The following PCDHGB1 variants were observed in gnomAD, a reference collection of about 807,000 sequenced individuals.
The protein encoded by PCDHGB1 is protocadherin gamma-B1.
PCDHGB1 carries 34 observed loss-of-function variants against 56.6 expected under a neutral mutation model. The observed-to-expected ratio is 0.60, with a 90% CI of 0.46 to 0.80. The LOEUF is 0.80. Ranked by LOEUF, PCDHGB1 falls within the 30% of genes least tolerant of loss-of-function variation. The pLI is 0.00. For missense variants in PCDHGB1, 1,278 were observed against 1,204.6 expected, an observed-to-expected ratio of 1.06 and a Z score of -0.90; for synonymous variants, 561 against 505.9, an observed-to-expected ratio of 1.11 and a Z score of -1.46.
At chr5:141,456,897 A>G (rs1351271896) in intron 1 of PCDHGB1, among the ~76,000 whole-genome samples, 2 of 152,178 alleles carry the variant, frequency 1.3e-5, no homozygotes, top group Admixed American at 1.3e-4. Context: ...CGGGAGGCAG[A>G]GGTTGCAGTG....
intron 1 of PCDHGB1, among the ~76,000 whole-genome samples, chr5:141,448,838 T>C (rs2098609981): frequency 6.6e-6 from 1 of 151,802 alleles, no homozygotes; most frequent in Non-Finnish European, 1.5e-5. Flanking sequence ...CCAGCTACTC[T>C]GGAGGCTGAG....
intron 2 of PCDHGB1, among the ~76,000 whole-genome samples, chr5:141,495,703 GGAGT>G (rs2099763108): frequency 6.6e-6 from 1 of 152,098 alleles, no homozygotes; most frequent in South Asian, 2.1e-4. Context: ...CAATAAATGT[GGAGT>G]GAGTAACTAC....
intron 1 of PCDHGB1, chr5:141,427,093 G>A (rs1446677593): frequency 2.2e-6 from 1 of 458,122 alleles, no homozygotes. Flanking sequence ...CAGGATGAGG[G>A]TGTCAATGCG....
intron 1 of PCDHGB1, chr5:141,409,553 G>T: frequency 6.2e-7 from 1 of 1,613,972 alleles, no homozygotes; most frequent in Non-Finnish European, 8.5e-7. Context: ...CAACGCCCCA[G>T]TTTTCGACCA....
intron 1 of PCDHGB1, chr5:141,405,047 G>C: frequency 1.2e-6 from 2 of 1,613,944 alleles, no homozygotes; most frequent in Non-Finnish European, 1.7e-6. Flanking sequence ...GGCTGTGGCA[G>C]TCGTCTCCTG....
In PCDHGB1 at chr5:141,491,707, G is replaced by A. The variant is rs1337506934; in HGVS notation, c.2410-3100G>A. ...GCTGCGGGAGCGGAGCCAGGTGAGG[G>A]GCTCGGCGCCGCCCCGGGCGACCCC... On this transcript the variant is annotated intron_variant, in intron 1 of 3. Transcript: ENST00000523390. The surrounding 1 kb of genome is among the most constrained non-coding windows in gnomAD (Gnocchi z 6.9). The A allele has an allele frequency of 6.2e-6, 10 of 1,610,604 alleles. No homozygotes were observed. Among genetic ancestry groups the A allele is most frequent in the Admixed American group, 1.7e-5 (1 of 59,554 alleles).
intron 1 of PCDHGB1, among the ~76,000 whole-genome samples, chr5:141,407,336 G>A (rs1005803062): frequency 6.6e-6 from 1 of 152,240 alleles, no homozygotes; most frequent in Admixed American, 6.5e-5. Flanking sequence ...ATATTGAAAT[G>A]TATGTTAATT....
rs767340665 is a variant in PCDHGB1, at chr5:141,351,013, C to T, written c.753C>T (p.Asn251=). 20 of 1,613,944 alleles carry T rather than the reference C, an allele frequency of 1.2e-5. No individual in the cohort carries two copies. Among genetic ancestry groups the T allele is most frequent in the African/African-American group, 1.2e-4 (9 of 74,942 alleles). The change falls in exon 1 of 4, where the codon AAC becomes AAT. Residue 251 remains asparagine (N), a synonymous_variant. Transcript: ENST00000523390. ...TATACAGGGTTAGCCTCCAAGAAAACGTACCGTGGGGAACCTCCGTGCTGC... is the reference window on the plus strand; with the variant it reads ...TATACAGGGTTAGCCTCCAAGAAAATGTACCGTGGGGAACCTCCGTGCTGC... ...QEVYRVSLQE[N]VPWGTSVLRV...
intron 1 of PCDHGB1, chr5:141,403,391 G>A: frequency 1.2e-6 from 2 of 1,614,046 alleles, no homozygotes; most frequent in Non-Finnish European, 1.7e-6. Flanking sequence ...CGAAATCGCG[G>A]TTCCTGGAGC....
At chr5:141,423,529 C>T in intron 1 of PCDHGB1, 1 of 1,613,754 alleles carries the variant, frequency 6.2e-7, no homozygotes, top group South Asian at 1.1e-5. Flanking sequence ...GCAGAAGAGT[C>T]ACCTGATTTT....
At chr5:141,370,852 C>T (rs558873325) in intron 1 of PCDHGB1, 5 of 1,614,018 alleles carry the variant, frequency 3.1e-6, no homozygotes, top group Non-Finnish European at 4.2e-6. Flanking sequence ...GCCACATTTG[C>T]CCTGGAATCT....
chr5:141,410,719 A>G, intron 1 of PCDHGB1: 3 of 1,407,980 alleles, frequency 2.1e-6, no homozygotes, highest in Non-Finnish European at 2.9e-6. Context: ...TCATATGTTT[A>G]AAATCCATAG....
At chr5:141,384,202 GA>G (rs1561601011) in intron 1 of PCDHGB1, 1 of 1,613,852 alleles carries the variant, frequency 6.2e-7, no homozygotes, top group Non-Finnish European at 8.5e-7. Flanking sequence ...CTTGTCCAGG[GA>G]AACTCACATA....
intron 1 of PCDHGB1, chr5:141,430,576 T>G (rs767759432): frequency 3.3e-5 from 15 of 459,492 alleles, no homozygotes; most frequent in Non-Finnish European, 5.5e-5. Flanking sequence ...AAAGCGGAGA[T>G]CCTGCTCGCC....
rs1761614217 is a variant in PCDHGB1 at position 141,360,492 on chromosome 5, A to G, written c.2409+7823A>G. On this transcript the variant is annotated intron_variant, in intron 1 of 3. Transcript: ENST00000523390. ...AAAATCCACTAAATATTTTCTACAT[A>G]GCAGTAATTGTGCAGGATATAAATG... 2.5e-6 allele frequency: 4 copies of G among 1,613,894 alleles called. No homozygotes were observed. In the Admixed American group the frequency reaches 6.7e-5, roughly 27 times the overall value.
chr5:141,392,273 G>A (rs1037062086), intron 1 of PCDHGB1: 3 of 152,178 alleles, frequency 2.0e-5, no homozygotes, highest in Admixed American at 2.0e-4. Flanking sequence ...TTACAATAAA[G>A]CTTAGAGCAC....
intron 2 of PCDHGB1, among the ~76,000 whole-genome samples, chr5:141,495,550 G>A (rs999176899): frequency 6.6e-6 from 1 of 151,958 alleles, no homozygotes; most frequent in Non-Finnish European, 1.5e-5. Context: ...TCTCTATCTC[G>A]CTTTGCAATC....
rs778612383 is a variant in PCDHGB1, at chr5:141,360,299, G to A, written c.2409+7630G>A. The A allele has an allele frequency of 1.9e-6, 3 of 1,613,972 alleles. No homozygotes were observed. The South Asian group carries it at 3.3e-5, about 18-fold the overall frequency. ...GTAGGAAACCTCGCCAAGGATCTGGGGCTCAGCGTCCGGGACTTGCCAGCC... is the reference window on the plus strand; with the variant it reads ...GTAGGAAACCTCGCCAAGGATCTGGAGCTCAGCGTCCGGGACTTGCCAGCC... On this transcript the variant is annotated intron_variant, in intron 1 of 3. Coordinates refer to ENST00000523390, the MANE Select transcript of PCDHGB1 (RefSeq NM_018922.3).
intron 1 of PCDHGB1, among the ~76,000 whole-genome samples, chr5:141,368,962 C>T (rs562789740): frequency 6.6e-6 from 1 of 152,310 alleles, no homozygotes; most frequent in South Asian, 2.1e-4. Context: ...GTTTAAGATG[C>T]TATAATGCTT....
Sources: gnomAD v4.1 joint callset for allele counts (sites outside exome capture counted in the v4.1 genomes callset) on GRCh38, gnomAD v4.1.1 for gene constraint, Gnocchi (gnomAD v3.1) non-coding constraint, MANE v1.5 for transcripts, NCBI Gene and HGNC (gene_info 2026-07-23, HGNC 2026-07-21) for gene names.